Variants in STAG1 observed in about 807,000 individuals in gnomAD.
STAG1 encodes the protein cohesin subunit SA-1.
In STAG1, 26 loss-of-function variants were observed where a neutral mutation model predicts 170.9. The observed-to-expected ratio is 0.15, with a 90% CI of 0.11 to 0.21. The LOEUF (loss-of-function observed/expected upper bound fraction) is 0.21, where lower values mean the gene tolerates loss of function less well. Among genes scored for constraint, STAG1 ranks in the 10% least tolerant of loss-of-function variants. The probability of loss-of-function intolerance (pLI) is 1.00; values close to 1 mark genes in which losing one functional copy is unlikely to be tolerated. For missense variants in STAG1, 964 were observed against 1,509.5 expected, an observed-to-expected ratio of 0.64 and a Z score of 5.99; for synonymous variants, 514 against 497.7, an observed-to-expected ratio of 1.03 and a Z score of -0.44.
intron 23 of STAG1, 65 bp from the exon 24 acceptor site, chr3:136,369,347 G>C (rs1937202962): frequency 7.8e-7 from 1 of 1,290,148 alleles, no homozygotes. Flanking sequence ...CAACATTAAT[G>C]AAAATGTATG....
intron 2 of STAG1, among the ~76,000 whole-genome samples, chr3:136,628,521 G>A (rs574091601): frequency 2.6e-5 from 4 of 152,078 alleles, no homozygotes; most frequent in Admixed American, 2.6e-4. Flanking sequence ...CAGGGTCCTT[G>A]CATGACATAA....
chr3:136,338,574 G>A, intron 32 of STAG1, 124 bp from the exon 33 acceptor site: 1 of 672,394 alleles, frequency 1.5e-6, no homozygotes, highest in South Asian at 1.9e-5. Flanking sequence ...AATTTTGAAA[G>A]GAAGAAGAGA....
chr3:136,658,831 T>C (rs752087781), intron 1 of STAG1, among the ~76,000 whole-genome samples: 19 of 152,178 alleles, frequency 1.2e-4, no homozygotes, highest in Admixed American at 7.2e-4. Flanking sequence ...TTTCCATGGC[T>C]CTATTAATTT....
chr3:136,525,924 C>G (rs1281929974), intron 6 of STAG1, among the ~76,000 whole-genome samples: 1 of 152,166 alleles, frequency 6.6e-6, no homozygotes, highest in Non-Finnish European at 1.5e-5. Context: ...GTTTCTTAAT[C>G]CTGAGTTCTA....
At chr3:136,449,873 A>G (rs191078816) in intron 14 of STAG1, among the ~76,000 whole-genome samples, 2 of 150,550 alleles carry the variant, frequency 1.3e-5, no homozygotes, top group Admixed American at 1.3e-4. Flanking sequence ...GTTATCTCAT[A>G]CTTATCAATT....
At chr3:136,520,187 G>C (rs1934602248) in intron 7 of STAG1, among the ~76,000 whole-genome samples, 1 of 152,144 alleles carries the variant, frequency 6.6e-6, no homozygotes, top group Non-Finnish European at 1.5e-5. Context: ...GCAATGTGTA[G>C]TTCCCAAATC....
chr3:136,354,420 G>A (rs1287959054), intron 28 of STAG1, among the ~76,000 whole-genome samples: 3 of 151,936 alleles, frequency 2.0e-5, no homozygotes, highest in African/African-American at 4.8e-5. Context: ...TCCCACCTTC[G>A]CCTTCCAAGT....
intron 1 of STAG1, among the ~76,000 whole-genome samples, chr3:136,705,954 T>TC (rs1553769284): frequency 6.6e-6 from 1 of 151,152 alleles, no homozygotes; most frequent in African/African-American, 2.4e-5. Flanking sequence ...ACAGCCTGTC[T>TC]TGCCCAGACA....
chr3:136,651,315 AAGATT>A (rs1941209653), intron 1 of STAG1, among the ~76,000 whole-genome samples: 8 of 151,510 alleles, frequency 5.3e-5, no homozygotes, highest in Admixed American at 5.3e-4. Flanking sequence ...GCAGTGAGCT[AAGATT>A]ATGTCACTGC....
At chr3:136,534,515 A>C (rs1277270161) in intron 6 of STAG1, among the ~76,000 whole-genome samples, 1 of 152,168 alleles carries the variant, frequency 6.6e-6, no homozygotes, top group Non-Finnish European at 1.5e-5. Context: ...TATTCATCCA[A>C]CAGAAGACTA....
At chr3:136,726,748 C>T (rs1044148267) in intron 1 of STAG1, among the ~76,000 whole-genome samples, 7 of 152,046 alleles carry the variant, frequency 4.6e-5, no homozygotes, top group African/African-American at 1.7e-4. Flanking sequence ...TTAAACATTC[C>T]TCTTCTTAAA....
intron 16 of STAG1, among the ~76,000 whole-genome samples, chr3:136,432,060 T>C (rs1277835121): frequency 6.6e-6 from 1 of 152,220 alleles, no homozygotes; most frequent in African/African-American, 2.4e-5. Context: ...GTGCACATGA[T>C]GGTGGTTCCA....
intron 5 of STAG1, among the ~76,000 whole-genome samples, chr3:136,563,647 C>CA (rs772716937): frequency 0.1 from 10,159 of 97,112 alleles, 386 homozygotes; most frequent in South Asian, 0.13. Flanking sequence ...TTCTTTCTTA[C>CA]AAAAAAAAAA....
chr3:136,411,877 G>A (rs372112147), intron 21 of STAG1, among the ~76,000 whole-genome samples: 9 of 151,908 alleles, frequency 5.9e-5, no homozygotes, highest in African/African-American at 9.7e-5. Context: ...CCCGGGAGGC[G>A]GAGGTTGCAG....
At chr3:136,576,207 AAC>A (rs1937449870) in intron 4 of STAG1, among the ~76,000 whole-genome samples, 1 of 152,240 alleles carries the variant, frequency 6.6e-6, no homozygotes, top group Admixed American at 6.5e-5. Context: ...TAATGACAGA[AAC>A]AGTTGCTTCT....
intron 4 of STAG1, among the ~76,000 whole-genome samples, chr3:136,591,936 T>C (rs1327771305): frequency 6.6e-6 from 1 of 152,184 alleles, no homozygotes; most frequent in African/African-American, 2.4e-5. Flanking sequence ...GTCAGATTTC[T>C]TGGCCCTGGA....
At chr3:136,512,022 A>G (rs1309442300) in intron 7 of STAG1, among the ~76,000 whole-genome samples, 2 of 145,262 alleles carry the variant, frequency 1.4e-5, no homozygotes, top group Non-Finnish European at 3.0e-5. Flanking sequence ...TGGGAGGCCA[A>G]GGTGGGAGGA....
chr3:136,688,667 C>T lies in STAG1; in HGVS notation c.-83-57686G>A, dbSNP rs113721771. Reference sequence around the variant, plus strand: ...TTGGCCTCCCAAAGTGCTGAGATTACAGGCAGGAGCCACCACGCCTGGCCA... The same window carrying T: ...TTGGCCTCCCAAAGTGCTGAGATTATAGGCAGGAGCCACCACGCCTGGCCA... On this transcript the variant is annotated intron_variant, in intron 1 of 33. Coordinates refer to ENST00000383202, the MANE Select transcript of STAG1 (RefSeq NM_005862.3). Among the ~76,000 whole-genome samples the T allele has an allele frequency of 1.8e-4, 27 of 152,346 alleles. 1 individual carries two copies. Among genetic ancestry groups the T allele is most frequent in the African/African-American group, 6.3e-4 (26 of 41,572 alleles).
chr3:136,370,129 T>C (rs562723723), intron 23 of STAG1, among the ~76,000 whole-genome samples: 80 of 152,226 alleles, frequency 5.3e-4, no homozygotes, highest in Non-Finnish European at 4.0e-4. Flanking sequence ...ATCATGATTT[T>C]AGAGTGTACT....
Sources: allele counts gnomAD v4.1 joint callset (sites outside exome capture counted in the v4.1 genomes callset), GRCh38; gene constraint gnomAD v4.1.1; transcripts MANE v1.5; gene names NCBI Gene and HGNC (gene_info 2026-07-23, HGNC 2026-07-21).